The following FBN2 variants were observed in gnomAD, a reference collection of about 807,000 sequenced individuals.
FBN2 encodes the protein fibrillin 2.
Under a neutral mutation model 355.6 loss-of-function variants are expected in FBN2, and 105 were observed. The ratio of observed to expected loss-of-function variants is 0.30; its 90% CI spans 0.25 to 0.35. The LOEUF is 0.35. Ranked by LOEUF, FBN2 falls within the 10% of genes least tolerant of loss-of-function variation. The pLI, the probability that FBN2 is intolerant of heterozygous loss-of-function variation, is 1.00. For synonymous variants in FBN2, 1,350 were observed against 1,301.2 expected (o/e 1.04, Z -0.81); for missense variants, 3,280 against 3,758.7 (o/e 0.87, Z 3.33).
chr5:128,432,013 A>G (rs1341134534), intron 7 of FBN2, among the ~76,000 whole-genome samples: 1 of 152,168 alleles, frequency 6.6e-6, no homozygotes, highest in Non-Finnish European at 1.5e-5. Context: ...GACTACTGTA[A>G]TAATAATGAT....
intron 39 of FBN2, among the ~76,000 whole-genome samples, 177 bp downstream of exon 39, chr5:128,311,123 T>A (rs1463496049): frequency 6.6e-6 from 1 of 151,706 alleles, no homozygotes; most frequent in Non-Finnish European, 1.5e-5. Flanking sequence ...CAACGAGCCA[T>A]AAATTAATTT....
At chr5:128,299,413 T>C (rs1323590902) in intron 48 of FBN2, among the ~76,000 whole-genome samples, 4 of 98,490 alleles carry the variant, frequency 4.1e-5, no homozygotes, top group African/African-American at 1.4e-4. Context: ...TGGGCAATGG[T>C]GGGCGCCCCT....
Position 128,259,312 on chromosome 5 carries a change from G to A in FBN2, c.*143C>T. On this transcript the variant is annotated 3_prime_UTR_variant, in exon 65 of 65. Transcript: ENST00000262464. Reference sequence around the variant, plus strand: ...GTCTAAATTATCCCTCCCTGTGAGGGTCAACATTCAAAGTCTAAGACAGGG... The same window carrying A: ...GTCTAAATTATCCCTCCCTGTGAGGATCAACATTCAAAGTCTAAGACAGGG... The A allele has an allele frequency of 1.8e-6, 2 of 1,100,590 alleles. No homozygotes were observed. Among genetic ancestry groups the A allele is most frequent in the South Asian group, 1.3e-5 (1 of 78,154 alleles). The allele number at this position is 1,100,590 out of a possible 1,614,324, so 68.2% of individuals were successfully genotyped here. A position where few individuals can be genotyped will look rare whatever the true frequency, so the allele number is the denominator to read the frequency against.
intron 36 of FBN2, 44 bp from the exon 37 acceptor site, chr5:128,312,839 G>T: frequency 6.2e-7 from 1 of 1,603,584 alleles, no homozygotes; most frequent in African/African-American, 1.3e-5. Context: ...TGCTTACATA[G>T]TAAGGACTCC....
At chr5:128,292,033 T>A (rs1192586798) in intron 48 of FBN2, among the ~76,000 whole-genome samples, 2 of 152,100 alleles carry the variant, frequency 1.3e-5, no homozygotes, top group East Asian at 1.9e-4. Context: ...GTGATCCCCA[T>A]GTCACCCCTA....
At chr5:128,440,156 C>T (rs1753880096) in intron 7 of FBN2, among the ~76,000 whole-genome samples, 1 of 152,032 alleles carries the variant, frequency 6.6e-6, no homozygotes, top group East Asian at 1.9e-4. Context: ...CTAAAATGTC[C>T]TGTTCTCCAG....
At chr5:128,431,752 C>T (rs1186608393) in intron 7 of FBN2, among the ~76,000 whole-genome samples, 3 of 152,072 alleles carry the variant, frequency 2.0e-5, no homozygotes, top group Non-Finnish European at 4.4e-5. Flanking sequence ...TGAATACATG[C>T]GCTAAGATAC....
chr5:128,263,687 G>A (rs367629593), intron 62 of FBN2, 31 bp from the exon 63 acceptor site: 50 of 1,559,920 alleles, frequency 3.2e-5, no homozygotes, highest in Admixed American at 6.8e-5. Context: ...ACTCTTACAC[G>A]GGGAAGCAGG....
chr5:128,296,987 T>G (rs185881662), intron 48 of FBN2, among the ~76,000 whole-genome samples: 7,108 of 152,228 alleles, frequency 0.047, 570 homozygotes, highest in African/African-American at 0.16. Context: ...TGCTGTAAAT[T>G]TCCCTCTACA....
chr5:128,446,443 T>C lies in FBN2; in HGVS notation c.952+38A>G, dbSNP rs1355050452. ...AAGTCCTGTTTTTCTTGCATTAAAG[T>C]CACAATTAGGCATGCTTCCCAAAGT... On this transcript the variant is annotated intron_variant, in intron 7 of 64. Coordinates refer to ENST00000262464, the MANE Select transcript of FBN2 (RefSeq NM_001999.4). 6 of 1,609,806 alleles carry C rather than the reference T, an allele frequency of 3.7e-6. No individual in the cohort carries two copies. The South Asian group carries it at 6.6e-5, about 18-fold the overall frequency.
In FBN2 at chr5:128,481,153, A is replaced by T. The variant is rs73348911; in HGVS notation, c.629-16232T>A. ...AATAAATTATTCAGCAAAGAGAAAT[A>T]CCAGACCCACATAATTTTTACTCAG... On this transcript the variant is annotated intron_variant, in intron 5 of 64. Coordinates refer to ENST00000262464, the MANE Select transcript of FBN2 (RefSeq NM_001999.4). Among the ~76,000 whole-genome samples the T allele has an allele frequency of 5.9e-3, 887 of 150,190 alleles. 9 individuals carry two copies. Among genetic ancestry groups the T allele is most frequent in the African/African-American group, 0.021 (838 of 40,056 alleles).
intron 4 of FBN2, among the ~76,000 whole-genome samples, chr5:128,521,539 A>T (rs1205252674): frequency 6.6e-6 from 1 of 152,238 alleles, no homozygotes; most frequent in East Asian, 1.9e-4. Flanking sequence ...TTAAATTTTT[A>T]AAAAAGAAAG....
At chr5:128,523,141 A>G (rs898512160) in intron 4 of FBN2, among the ~76,000 whole-genome samples, 2 of 152,212 alleles carry the variant, frequency 1.3e-5, no homozygotes, top group Non-Finnish European at 2.9e-5. Context: ...GCAGAGGCGC[A>G]GACACTTGGG....
intron 48 of FBN2, among the ~76,000 whole-genome samples, chr5:128,299,187 C>G (rs924652323): frequency 1.6e-4 from 25 of 151,806 alleles, no homozygotes; most frequent in African/African-American, 5.6e-4. Flanking sequence ...GCAGTCTGCC[C>G]GTTCTCAGAT....
chr5:128,351,180 C>T (rs79743933), intron 20 of FBN2, among the ~76,000 whole-genome samples, 175 bp from the exon 21 acceptor site: 2 of 149,870 alleles, frequency 1.3e-5, no homozygotes, highest in East Asian at 2.0e-4. Flanking sequence ...CCCAGGAGTT[C>T]GATACCAGCC....
chr5:128,385,986 C>T (rs1210977849), intron 11 of FBN2, among the ~76,000 whole-genome samples: 2 of 151,772 alleles, frequency 1.3e-5, no homozygotes, highest in Non-Finnish European at 2.9e-5. Flanking sequence ...GTTGTTTACT[C>T]TGATACTTTC....
chr5:128,527,324 G>A (rs539040563), intron 4 of FBN2, among the ~76,000 whole-genome samples: 1 of 152,104 alleles, frequency 6.6e-6, no homozygotes, highest in East Asian at 1.9e-4. Context: ...AGTTTTGCTG[G>A]GTTACAGCTC....
At chr5:128,513,264 T>TC (rs1012655930) in intron 5 of FBN2, among the ~76,000 whole-genome samples, 3 of 152,210 alleles carry the variant, frequency 2.0e-5, no homozygotes, top group African/African-American at 7.2e-5. Flanking sequence ...TTACATAACT[T>TC]CCCCCATATA....
intron 7 of FBN2, among the ~76,000 whole-genome samples, chr5:128,435,695 C>A (rs1049772614): frequency 8.5e-5 from 13 of 152,050 alleles, no homozygotes; most frequent in Non-Finnish European, 1.6e-4. Flanking sequence ...CTTAAATTGT[C>A]ATTTTTCTCT....
Sources: gnomAD v4.1 joint callset for allele counts (sites outside exome capture counted in the v4.1 genomes callset) on GRCh38, gnomAD v4.1.1 for gene constraint, MANE v1.5 for transcripts, NCBI Gene and HGNC (gene_info 2026-07-23, HGNC 2026-07-21) for gene names.